CEP112: variants seen among roughly 807,000 people sequenced by gnomAD.
CEP112 encodes the protein centrosomal protein of 112 kDa.
Under a neutral mutation model 153.0 loss-of-function variants are expected in CEP112, and 127 were observed. The ratio of observed to expected loss-of-function variants is 0.83; its 90% CI spans 0.72 to 0.96. The LOEUF is 0.96. CEP112 is among the 40% of genes least tolerant of loss of function. The pLI is 0.00. For missense variants in CEP112, 1,089 were observed against 1,101.2 expected (o/e 0.99, Z 0.16); for synonymous variants, 358 against 374.4 (o/e 0.96, Z 0.51).
intron 21 of CEP112, among the ~76,000 whole-genome samples, chr17:65,836,077 GT>G (rs1464719966): frequency 6.6e-6 from 1 of 152,116 alleles, no homozygotes; most frequent in Non-Finnish European, 1.5e-5. Flanking sequence ...ACTAAAAGAT[GT>G]TTTTTGTAAG....
At chr17:65,970,921 A>G (rs1167996670) in intron 17 of CEP112, among the ~76,000 whole-genome samples, 1 of 105,260 alleles carries the variant, frequency 9.5e-6, no homozygotes, top group African/African-American at 3.0e-5. Context: ...TGTTGCATGT[A>G]TGCAGTTATT....
chr17:66,145,752 T>A lies in CEP112; in HGVS notation c.471-12989A>T, dbSNP rs576629619. 7.9e-5 allele frequency among the ~76,000 whole-genome samples: 12 copies of A among 152,192 alleles called. No homozygotes were observed. In the East Asian group the frequency reaches 2.1e-3, roughly 27 times the overall value. ...ATTTTAAGCCTAAAAATCAGGAAAG[T>A]GAAGTCCCCTAACTTTCTCTTCTTT... On this transcript the variant is annotated intron_variant, in intron 4 of 26. Coordinates refer to ENST00000535342, the MANE Select transcript of CEP112 (RefSeq NM_001199165.4).
At chr17:65,977,646 G>C (rs8075167) in intron 17 of CEP112, among the ~76,000 whole-genome samples, 76,550 of 152,010 alleles carry the variant, frequency 0.5, 20,181 homozygotes, top group African/African-American at 0.59. Context: ...GTGGGGTTAA[G>C]TGAGGAATAA....
chr17:66,135,415 G>C (rs993462090), intron 4 of CEP112, among the ~76,000 whole-genome samples: 8 of 152,168 alleles, frequency 5.3e-5, no homozygotes, highest in African/African-American at 1.9e-4. Flanking sequence ...AACAGAAAGT[G>C]GGAGAAAAGT....
At chr17:65,690,666 G>A (rs2048066156) in intron 23 of CEP112, among the ~76,000 whole-genome samples, 1 of 152,100 alleles carries the variant, frequency 6.6e-6, no homozygotes, top group South Asian at 2.1e-4. Context: ...CAAGTCACAT[G>A]TAAATTTCCA....
At chr17:65,719,217 C>T (rs1200437516) in intron 23 of CEP112, among the ~76,000 whole-genome samples, 1 of 152,160 alleles carries the variant, frequency 6.6e-6, no homozygotes, top group Non-Finnish European at 1.5e-5. Context: ...TGCAACAGCA[C>T]CCAGTCCGTT....
At chr17:65,788,553 C>A (rs999319038) in intron 21 of CEP112, among the ~76,000 whole-genome samples, 5 of 152,058 alleles carry the variant, frequency 3.3e-5, no homozygotes, top group African/African-American at 1.2e-4. Flanking sequence ...ATATTTAAAA[C>A]TAAATGCTAT....
intron 18 of CEP112, among the ~76,000 whole-genome samples, chr17:65,953,932 T>C (rs908485615): frequency 6.6e-6 from 1 of 152,144 alleles, no homozygotes; most frequent in African/African-American, 2.4e-5. Context: ...CTGTCCACTG[T>C]CTGAGAAAAC....
chr17:65,903,813 G>A (rs1205505697), intron 19 of CEP112, among the ~76,000 whole-genome samples: 5 of 152,012 alleles, frequency 3.3e-5, no homozygotes, highest in African/African-American at 9.7e-5. Flanking sequence ...TTCAACATAC[G>A]CAAATCAATA....
At chr17:65,970,307 T>C (rs976250519) in intron 17 of CEP112, among the ~76,000 whole-genome samples, 2 of 115,256 alleles carry the variant, frequency 1.7e-5, no homozygotes, top group African/African-American at 2.8e-5. Context: ...TGCATGTGTA[T>C]CTCATATGTA....
chr17:66,031,379 C>CTCACTGTAT (rs1320361661), intron 12 of CEP112, among the ~76,000 whole-genome samples: 1 of 151,856 alleles, frequency 6.6e-6, no homozygotes. Context: ...ACTAATAAAC[C>CTCACTGTAT]CTACAAGAGG....
At chr17:65,848,985 G>A (rs2057825462) in intron 21 of CEP112, among the ~76,000 whole-genome samples, 1 of 152,136 alleles carries the variant, frequency 6.6e-6, no homozygotes, top group Non-Finnish European at 1.5e-5. Context: ...CCAAGAGGAT[G>A]ATGTTCCTAA....
At chr17:65,733,822 C>G (rs1391365079) in intron 23 of CEP112, among the ~76,000 whole-genome samples, 1 of 152,190 alleles carries the variant, frequency 6.6e-6, no homozygotes, top group East Asian at 1.9e-4. Context: ...ACCTCACAGT[C>G]TAGTTGGTGA....
At position 65,654,056 on chromosome 17, in the gene CEP112, C is replaced by CAAAAAAAAAAA. The variant is rs773433478; in HGVS notation, c.2698-13002_2698-12992dup. 7.8e-4 allele frequency among the ~76,000 whole-genome samples: 21 copies of CAAAAAAAAAAA among 26,874 alleles called. 1 individual carries two copies. The highest frequency in any genetic ancestry group is 2.9e-3 in the African/African-American group (18 of 6,274). The allele number at this position is 26,874 out of a possible 152,430, so 17.6% of individuals were successfully genotyped here. ...CCTGGCAACCAGAGCAAGACTCCAT[C>CAAAAAAAAAAA]AAAAAAAAAAAAAAAAAAAAAAAAA... On this transcript the variant is annotated intron_variant, in intron 24 of 26. Transcript: ENST00000535342.
intron 21 of CEP112, among the ~76,000 whole-genome samples, chr17:65,790,980 A>G (rs2054560785): frequency 6.6e-6 from 1 of 152,040 alleles, no homozygotes; most frequent in Non-Finnish European, 1.5e-5. Context: ...GACCAAAATC[A>G]GCACTGCAGG....
chr17:66,000,230 G>GC (rs138613876), intron 17 of CEP112, among the ~76,000 whole-genome samples: 1 of 142,646 alleles, frequency 7.0e-6, no homozygotes, highest in African/African-American at 2.6e-5. Flanking sequence ...ACTGGCATCT[G>GC]TTTTTTTTTT....
At chr17:65,762,095 C>T (rs72831410) in intron 21 of CEP112, among the ~76,000 whole-genome samples, 41,334 of 151,828 alleles carry the variant, frequency 0.27, 7,140 homozygotes, top group Middle Eastern at 0.43. Flanking sequence ...TTTTGCCTCA[C>T]GTATTTTGAT....
chr17:65,795,154 G>A (rs947264520), intron 21 of CEP112, among the ~76,000 whole-genome samples: 3 of 152,146 alleles, frequency 2.0e-5, no homozygotes, highest in African/African-American at 7.2e-5. Flanking sequence ...CCTAGTCACA[G>A]AGCTCATAAT....
At position 65,635,896 on chromosome 17, in the gene CEP112, T is replaced by C. The variant is rs1664000375; in HGVS notation, c.*75A>G. 4 of 1,503,908 alleles carry C rather than the reference T, an allele frequency of 2.7e-6. No individual in the cohort carries two copies. The highest frequency in any genetic ancestry group is 1.9e-5 in the Admixed American group (1 of 52,190). The allele number at this position is 1,503,908 out of a possible 1,614,324, so 93.2% of individuals were successfully genotyped here. On this transcript the variant is annotated 3_prime_UTR_variant, in exon 27 of 27. Coordinates refer to ENST00000535342, the MANE Select transcript of CEP112 (RefSeq NM_001199165.4). The stretch of plus-strand genomic sequence containing the variant: ...GCCACTGATCTCACAGTTTACAATA[T>C]CCAAATCTTCAAACCTGCTGGAAGA...
Sources: gnomAD v4.1 joint callset for allele counts (sites outside exome capture counted in the v4.1 genomes callset) on GRCh38, gnomAD v4.1.1 for gene constraint, MANE v1.5 for transcripts, NCBI Gene and HGNC (gene_info 2026-07-23, HGNC 2026-07-21) for gene names.